Variants in HERC4 observed in about 807,000 individuals in gnomAD.
HERC4 encodes HECT and RLD domain containing E3 ubiquitin protein ligase 4.
HERC4 carries 28 observed loss-of-function variants against 124.3 expected under a neutral mutation model. The ratio of observed to expected loss-of-function variants is 0.23; its 90% CI spans 0.17 to 0.31. The LOEUF (loss-of-function observed/expected upper bound fraction) is 0.31. Ranked by LOEUF, HERC4 falls within the 10% of genes least tolerant of loss-of-function variation. The pLI is 1.00. For synonymous variants in HERC4, 407 were observed against 421.5 expected (o/e 0.97, Z 0.42); for missense variants, 713 against 1,229.3 (o/e 0.58, Z 6.28).
chr10:68,022,317 T>C (rs549196957), intron 8 of HERC4, among the ~76,000 whole-genome samples: 4 of 152,050 alleles, frequency 2.6e-5, no homozygotes, highest in African/African-American at 9.6e-5. Context: ...CTGACCAACA[T>C]GGAGAAACCC....
intron 15 of HERC4, among the ~76,000 whole-genome samples, chr10:67,977,437 G>C (rs1438574796): frequency 6.6e-6 from 1 of 152,154 alleles, no homozygotes; most frequent in East Asian, 1.9e-4. Context: ...CAAAGGCCTT[G>C]AGTGAGCCTG....
rs754612918 is a variant in HERC4, at chr10:67,954,967, A to G, written c.2189T>C (p.Leu730Pro). ...KTKNIDYKKPLKVIFVGEDAV... is the reference protein window; with the variant it reads ...KTKNIDYKKPPKVIFVGEDAV... ...CCACAGAAAATGTCAAATTACCTTG[A>G]GTGGCTTCTTGTAATCTATGTTCTT... is the stretch of plus-strand genomic sequence containing the variant. The change falls in exon 18 of 25, where the codon CTC becomes CCC. Residue 730 changes from leucine to proline, a missense_variant. Transcript: ENST00000373700. The G allele has an allele frequency of 1.9e-6, 3 of 1,595,068 alleles. No individual in the cohort carries two copies. The highest frequency in any genetic ancestry group is 2.6e-6 in the Non-Finnish European group (3 of 1,173,688).
At position 67,967,076 on chromosome 10, in the gene HERC4, G is replaced by A. The variant is rs551029667; in HGVS notation, c.1807-274C>T. Among the ~76,000 whole-genome samples, 17 of 152,266 alleles carry A rather than the reference G, an allele frequency of 1.1e-4. No homozygotes were observed. The South Asian group carries it at 1.2e-3, about 11-fold the overall frequency. The stretch of plus-strand genomic sequence containing the variant: ...TCATCGTGTTAGCCAGGATGGTCTC[G>A]ATCTCCTGACCTTGTGATCTGTCCA... On this transcript the variant is annotated intron_variant, in intron 15 of 24. Transcript: ENST00000373700.
intron 3 of HERC4, among the ~76,000 whole-genome samples, chr10:68,064,576 A>AAAG (rs2041204450): frequency 6.6e-6 from 1 of 150,478 alleles, no homozygotes; most frequent in African/African-American, 2.4e-5. Context: ...AAAAAAAAAA[A>AAAG]AGAGAGAGAG....
At chr10:67,994,307 G>A (rs1431018981) in intron 9 of HERC4, 1 of 152,202 alleles carries the variant, frequency 6.6e-6, no homozygotes, top group Non-Finnish European at 1.5e-5. Flanking sequence ...CTCTTAAAAT[G>A]TGATTGTGCC....
At chr10:67,990,105 A>G in intron 14 of HERC4, 106 bp downstream of exon 14, 3 of 818,902 alleles carry the variant, frequency 3.7e-6, no homozygotes, top group Non-Finnish European at 5.6e-6. Flanking sequence ...TGCCTAAGAC[A>G]GTGTCAAATA....
intron 19 of HERC4, among the ~76,000 whole-genome samples, chr10:67,943,017 C>T (rs1390890858): frequency 8.5e-5 from 13 of 152,248 alleles, no homozygotes; most frequent in East Asian, 1.9e-4. Context: ...AGGTACTTTG[C>T]CCACTTATCT....
intron 7 of HERC4, 103 bp from the exon 8 acceptor site, chr10:68,025,779 C>G (rs2038866919): frequency 8.3e-7 from 1 of 1,203,090 alleles, no homozygotes; most frequent in Admixed American, 2.5e-5. Flanking sequence ...TCAGTTTTTT[C>G]TCTTCTAAGA....
rs755666986 is a variant in HERC4, at chr10:67,941,669, C to CTTT, written c.2338-567_2338-565dup. On this transcript the variant is annotated intron_variant, in intron 19 of 24. Coordinates refer to ENST00000373700, the MANE Select transcript of HERC4 (RefSeq NM_015601.4). ...CACTAAATGTTCTTCTAAAACACAACTTTTTTTTTTTTTTTTTTTTTTTTT... is the reference window on the plus strand; with the variant it reads ...CACTAAATGTTCTTCTAAAACACAACTTTTTTTTTTTTTTTTTTTTTTTTTTTT... Among the ~76,000 whole-genome samples the CTTT allele has an allele frequency of 3.1e-3, 287 of 91,754 alleles. 29 individuals carry two copies. Among genetic ancestry groups the CTTT allele is most frequent in the African/African-American group, 7.8e-3 (193 of 24,836 alleles). The allele number at this position is 91,754 out of a possible 152,430, so 60.2% of individuals were successfully genotyped here. A position where few individuals can be genotyped will look rare whatever the true frequency, so the allele number is the denominator to read the frequency against.
chr10:67,985,005 A>G (rs1463817062), intron 15 of HERC4, among the ~76,000 whole-genome samples: 1 of 152,228 alleles, frequency 6.6e-6, no homozygotes, highest in South Asian at 2.1e-4. Flanking sequence ...TGCAGTTTGT[A>G]TATCTTGCTG....
intron 19 of HERC4, among the ~76,000 whole-genome samples, chr10:67,951,036 T>C (rs2033753248): frequency 6.6e-6 from 1 of 152,102 alleles, no homozygotes; most frequent in African/African-American, 2.4e-5. Flanking sequence ...ATGTCAGAAG[T>C]ACACCAAAGA....
At chr10:67,952,249 T>C (rs1321345064) in intron 19 of HERC4, among the ~76,000 whole-genome samples, 3 of 152,200 alleles carry the variant, frequency 2.0e-5, no homozygotes, top group African/African-American at 7.2e-5. Context: ...CAAAACGTGA[T>C]TAAAATCAAC....
chr10:67,927,391 TATATATATATATATATATATA>T (rs2031119492), intron 23 of HERC4, among the ~76,000 whole-genome samples: 1 of 21,610 alleles, frequency 4.6e-5, no homozygotes, highest in Non-Finnish European at 7.0e-5. Flanking sequence ...TATATATATA[TATATATATATATATATATATA>T]TATATATATA....
At chr10:67,935,843 T>C (rs1367903215) in intron 22 of HERC4, among the ~76,000 whole-genome samples, 1 of 152,228 alleles carries the variant, frequency 6.6e-6, no homozygotes, top group Admixed American at 6.5e-5. Context: ...ACTTTTGTTT[T>C]GTGAAGTGAT....
chr10:67,952,909 G>GA (rs71006191), intron 19 of HERC4, among the ~76,000 whole-genome samples: 42 of 137,190 alleles, frequency 3.1e-4, no homozygotes, highest in South Asian at 4.7e-4. Flanking sequence ...CAAAAAAAAA[G>GA]AAAAAAAAAA....
chr10:68,070,051 G>GAAACA (rs1052363512), intron 3 of HERC4: 7 of 974,468 alleles, frequency 7.2e-6, no homozygotes, highest in African/African-American at 1.8e-5. Flanking sequence ...CAAACAAAAC[G>GAAACA]AAACAAAACA....
chr10:67,962,595 A>G (rs1443180202), intron 16 of HERC4, among the ~76,000 whole-genome samples: 1 of 152,154 alleles, frequency 6.6e-6, no homozygotes, highest in Non-Finnish European at 1.5e-5. Flanking sequence ...TCATTTTTCT[A>G]AGAGAGAGAG....
At chr10:67,940,825 G>T in intron 20 of HERC4, 114 bp downstream of exon 20, 2 of 944,514 alleles carry the variant, frequency 2.1e-6, no homozygotes, top group Non-Finnish European at 1.6e-6. Context: ...GTTTACTTCA[G>T]AAATTTAACA....
intron 8 of HERC4, among the ~76,000 whole-genome samples, chr10:68,018,517 A>G (rs1055288350): frequency 1.3e-5 from 2 of 152,158 alleles, no homozygotes; most frequent in African/African-American, 4.8e-5. Flanking sequence ...AAACAATTAT[A>G]TAAACACGTT....
Sources: gnomAD v4.1 joint callset for allele counts (sites outside exome capture counted in the v4.1 genomes callset) on GRCh38, gnomAD v4.1.1 for gene constraint, MANE v1.5 for transcripts, NCBI Gene and HGNC (gene_info 2026-07-23, HGNC 2026-07-21) for gene names.